NDUFB6: variants seen among roughly 807,000 people sequenced by gnomAD.
NDUFB6 encodes the protein NADH dehydrogenase [ubiquinone] 1 beta subcomplex subunit 6.
A neutral mutation model predicts 17.5 loss-of-function variants in NDUFB6; 23 were observed. That is an observed-to-expected ratio of 1.31 (90% CI 0.94 to 1.86). NDUFB6 has a LOEUF of 1.86. NDUFB6 is among the 40% of genes most tolerant of loss of function. NDUFB6 has a pLI of 0.00. For synonymous variants in NDUFB6, 60 were observed against 53.5 expected (o/e 1.12, Z -0.53); for missense variants, 167 against 153.8 (o/e 1.09, Z -0.46).
At chr9:32,556,393 C>G (rs1034466467) in intron 3 of NDUFB6, among the ~76,000 whole-genome samples, 1 of 152,224 alleles carries the variant, frequency 6.6e-6, no homozygotes, top group African/African-American at 2.4e-5. Flanking sequence ...ATCTTGGAAC[C>G]TCATATTCGA....
intron 3 of NDUFB6, among the ~76,000 whole-genome samples, chr9:32,556,832 G>T (rs1821467980): frequency 6.7e-6 from 1 of 149,280 alleles, no homozygotes; most frequent in Non-Finnish European, 1.5e-5. Context: ...TAAAACAAAA[G>T]GAGAAATCCC....
Position 32,572,865 on chromosome 9 carries a change from G to T in NDUFB6, c.180+16C>A. On this transcript the variant is annotated intron_variant, in intron 1 of 3. Coordinates refer to ENST00000379847, the MANE Select transcript of NDUFB6 (RefSeq NM_002493.5). The stretch of plus-strand genomic sequence containing the variant: ...GTGGGATGTGTTGGGGGGGACCGGA[G>T]AGGTCTGTCACTCACCATTTTCCTC... The T allele has an allele frequency of 1.3e-6, 2 of 1,546,596 alleles. No homozygotes were observed.
Position 32,553,448 on chromosome 9 carries a change from C to CA in NDUFB6, c.*427dup, listed in dbSNP as rs1317933365. On this transcript the variant is annotated 3_prime_UTR_variant, in exon 4 of 4. Transcript: ENST00000379847. Reference sequence around the variant, plus strand: ...TCGTGATCTGCCCGCCTCGGCCTCCCAAAGTGCTGGGATTACAGGCATGAG... The same window carrying CA: ...TCGTGATCTGCCCGCCTCGGCCTCCCAAAAGTGCTGGGATTACAGGCATGAG... 5.6e-6 allele frequency: 1 copy of CA among 179,888 alleles called. No individual in the cohort carries two copies. Among genetic ancestry groups the CA allele is most frequent in the African/African-American group, 2.4e-5 (1 of 41,594 alleles). The allele number at this position is 179,888 out of a possible 1,614,324, so 11.1% of individuals were successfully genotyped here.
chr9:32,572,869 T>C lies in NDUFB6; in HGVS notation c.180+12A>G. 1 of 1,552,648 alleles carries C rather than the reference T, an allele frequency of 6.4e-7. No individual in the cohort carries two copies. Among genetic ancestry groups the C allele is most frequent in the Non-Finnish European group, 8.7e-7 (1 of 1,148,878 alleles). On this transcript the variant is annotated intron_variant, in intron 1 of 3. Transcript: ENST00000379847. ...GATGTGTTGGGGGGGACCGGAGAGG[T>C]CTGTCACTCACCATTTTCCTCCAAG...
chr9:32,571,543 TG>T (rs1563999112), intron 1 of NDUFB6, among the ~76,000 whole-genome samples: 1 of 152,160 alleles, frequency 6.6e-6, no homozygotes, highest in African/African-American at 2.4e-5. Context: ...CATACTAAGA[TG>T]GGGTGTCCCA....
rs577046978 is a variant in NDUFB6 at position 32,572,730 on chromosome 9, A to G, written c.180+151T>C. 7 of 612,268 alleles carry G rather than the reference A, an allele frequency of 1.1e-5. No homozygotes were observed. The East Asian group carries it at 1.8e-4, about 16-fold the overall frequency. 37.9% of individuals were successfully genotyped at this position (612,268 alleles called of 1,614,324 possible). On this transcript the variant is annotated intron_variant, in intron 1 of 3. Coordinates refer to ENST00000379847, the MANE Select transcript of NDUFB6 (RefSeq NM_002493.5). ...CATATTCCTGGACTCCTGCCTCCCG[A>G]GACTCCAGGAGGACTCTCGGGACTG... is the stretch of plus-strand genomic sequence containing the variant.
chr9:32,564,538 T>C (rs1821723533), intron 2 of NDUFB6, among the ~76,000 whole-genome samples: 1 of 151,986 alleles, frequency 6.6e-6, no homozygotes, highest in Non-Finnish European at 1.5e-5. Flanking sequence ...CATTATAACA[T>C]GTCATTAAAT....
At chr9:32,557,339 T>A (rs75434201) in intron 3 of NDUFB6, among the ~76,000 whole-genome samples, 2 of 27,000 alleles carry the variant, frequency 7.4e-5, no homozygotes, top group African/African-American at 3.5e-4. Flanking sequence ...AATTTTTGTA[T>A]TTTTTTTTTA....
intron 2 of NDUFB6, chr9:32,566,426 T>C: frequency 2.4e-6 from 2 of 850,686 alleles, no homozygotes; most frequent in Non-Finnish European, 4.1e-6. Flanking sequence ...CTCTCCCTGT[T>C]ACTGTAGGGG....
At chr9:32,566,364 C>T (rs1262669054) in intron 2 of NDUFB6, 11 of 1,178,544 alleles carry the variant, frequency 9.3e-6, no homozygotes, top group Non-Finnish European at 1.4e-5. Flanking sequence ...AATGATGGTG[C>T]GTTTTTGTTT....
rs1821826472 is a variant in NDUFB6 at position 32,567,317 on chromosome 9, C to T, written c.273+3643G>A. 4.3e-6 allele frequency: 2 copies of T among 469,910 alleles called. 1 individual carries two copies. The highest frequency in any genetic ancestry group is 3.1e-5 in the South Asian group (2 of 64,510). 29.1% of individuals were successfully genotyped at this position (469,910 alleles called of 1,614,324 possible). ...CATGTGTTCACTTCACGTCTCTGTG[C>T]CATATTTTGGTAATTCTCCCAATAT... is the stretch of plus-strand genomic sequence containing the variant. On this transcript the variant is annotated intron_variant, in intron 2 of 3. Transcript: ENST00000379847.
rs149463586 is a variant in NDUFB6 at position 32,566,645 on chromosome 9, G to A, written c.273+4315C>T. On this transcript the variant is annotated intron_variant, in intron 2 of 3. Coordinates refer to ENST00000379847, the MANE Select transcript of NDUFB6 (RefSeq NM_002493.5). ...CTGCACCCACCATGGAGGAGCAGGAGCTCACCTCTCTCAGGTAACTCCGGA... is the reference window on the plus strand; with the variant it reads ...CTGCACCCACCATGGAGGAGCAGGAACTCACCTCTCTCAGGTAACTCCGGA... The A allele has an allele frequency of 7.5e-3, 5,945 of 797,612 alleles. 69 individuals are homozygous for A. The highest frequency in any genetic ancestry group is 6.4e-3 in the Non-Finnish European group (2,789 of 435,438). 49.4% of individuals were successfully genotyped at this position (797,612 alleles called of 1,614,324 possible).
chr9:32,563,491 C>CTTTTTTTTTTTT (rs111646430), intron 2 of NDUFB6, among the ~76,000 whole-genome samples: 2,594 of 91,338 alleles, frequency 0.028, 291 homozygotes, highest in East Asian at 0.1. Flanking sequence ...GACTATTGGG[C>CTTTTTTTTTTTT]TTTTTTTTTT....
At chr9:32,554,329 C>G (rs148297780) in intron 3 of NDUFB6, among the ~76,000 whole-genome samples, 5 of 152,302 alleles carry the variant, frequency 3.3e-5, no homozygotes, top group Admixed American at 1.3e-4. Flanking sequence ...GAATGTGTTA[C>G]GCAATCACCA....
chr9:32,559,754 A>G (rs796511164), intron 2 of NDUFB6, among the ~76,000 whole-genome samples: 35 of 152,232 alleles, frequency 2.3e-4, no homozygotes, highest in African/African-American at 7.5e-4. Context: ...TTTTTCTTCT[A>G]TAGACTTGTT....
At chr9:32,571,501 G>T (rs889528390) in intron 1 of NDUFB6, among the ~76,000 whole-genome samples, 3 of 152,116 alleles carry the variant, frequency 2.0e-5, no homozygotes, top group African/African-American at 7.2e-5. Flanking sequence ...AGACAACCTT[G>T]ACAACGCCAA....
chr9:32,565,334 T>C (rs530027460), intron 2 of NDUFB6: 3 of 152,394 alleles, frequency 2.0e-5, no homozygotes, highest in Non-Finnish European at 2.9e-5. Flanking sequence ...TGTCCTTTTA[T>C]GTTCTTTATG....
At chr9:32,569,047 CCTG>C (rs1409423333) in intron 2 of NDUFB6, among the ~76,000 whole-genome samples, 2 of 151,780 alleles carry the variant, frequency 1.3e-5, no homozygotes, top group Non-Finnish European at 2.9e-5. Flanking sequence ...CCGCGCCCCG[CCTG>C]CTATCTTATA....
At chr9:32,566,675 G>A in intron 2 of NDUFB6, 2 of 816,406 alleles carry the variant, frequency 2.4e-6, no homozygotes, top group South Asian at 1.3e-5. Context: ...TCCGGATCCG[G>A]CTTTCACAGC....
Sources: allele counts gnomAD v4.1 joint callset (sites outside exome capture counted in the v4.1 genomes callset), GRCh38; gene constraint gnomAD v4.1.1; transcripts MANE v1.5; gene names NCBI Gene and HGNC (gene_info 2026-07-23, HGNC 2026-07-21).